Variants in REPS1 observed in about 807,000 individuals in gnomAD.
The protein encoded by REPS1 is ralBP1-associated Eps domain-containing protein 1.
Under a neutral mutation model 100.9 loss-of-function variants are expected in REPS1, and 39 were observed. The ratio of observed to expected loss-of-function variants is 0.39; its 90% CI spans 0.30 to 0.50. The LOEUF is 0.50. REPS1 is among the 20% of genes least tolerant of loss of function. The pLI is 0.86. For missense variants in REPS1, 821 were observed against 968.5 expected (o/e 0.85, Z 2.02); for synonymous variants, 324 against 340.3 (o/e 0.95, Z 0.53).
rs185396594 is a variant in REPS1 at position 138,982,146 on chromosome 6, A to T, written c.153+5384T>A. Reference sequence around the variant, plus strand: ...ACTACTCCAGAATAACAAACCTGAGACTTATTAAGTTTATAACTTTCAACA... The same window carrying T: ...ACTACTCCAGAATAACAAACCTGAGTCTTATTAAGTTTATAACTTTCAACA... On this transcript the variant is annotated intron_variant, in intron 1 of 19. Coordinates refer to ENST00000450536, the MANE Select transcript of REPS1 (RefSeq NM_001286611.2). 6.2e-3 allele frequency among the ~76,000 whole-genome samples: 947 copies of T among 152,334 alleles called. 15 individuals carry two copies. Among genetic ancestry groups the T allele is most frequent in the African/African-American group, 0.021 (894 of 41,584 alleles).
At chr6:138,957,899 A>G (rs1169437357) in intron 1 of REPS1, among the ~76,000 whole-genome samples, 1 of 152,222 alleles carries the variant, frequency 6.6e-6, no homozygotes, top group African/African-American at 2.4e-5. Flanking sequence ...AAGTCAAAAC[A>G]TATTAAACAA....
At chr6:138,924,367 A>C (rs927183190) in intron 10 of REPS1, among the ~76,000 whole-genome samples, 1 of 152,210 alleles carries the variant, frequency 6.6e-6, no homozygotes, top group African/African-American at 2.4e-5. Context: ...TGAGCCACAT[A>C]ATTTTAGACA....
chr6:138,923,177 A>G (rs1780892678), intron 10 of REPS1, among the ~76,000 whole-genome samples: 1 of 152,178 alleles, frequency 6.6e-6, no homozygotes, highest in Admixed American at 6.5e-5. Context: ...ATTTATAAGA[A>G]TACCTTTAAG....
intron 19 of REPS1, among the ~76,000 whole-genome samples, chr6:138,907,199 A>G (rs1284234148): frequency 1.3e-5 from 2 of 151,836 alleles, no homozygotes; most frequent in Admixed American, 6.6e-5. Context: ...ACCTGGGTGC[A>G]GTGGCTCACG....
At chr6:138,941,625 A>T (rs1782254627) in intron 7 of REPS1, 136 bp from the exon 8 acceptor site, 5 of 787,928 alleles carry the variant, frequency 6.3e-6, no homozygotes, top group South Asian at 5.4e-5. Context: ...ACACAGAAAG[A>T]TGTGTAATAT....
chr6:138,943,871 G>A lies in REPS1; in HGVS notation c.898C>T (p.Leu300=). 4 of 1,613,286 alleles carry A rather than the reference G, an allele frequency of 2.5e-6. No homozygotes were observed. The highest frequency in any genetic ancestry group is 3.4e-6 in the Non-Finnish European group (4 of 1,179,648). Residue 300 remains leucine, a synonymous_variant, in exon 6 of 20, where the codon CTA becomes TTA. Transcript: ENST00000450536. The stretch of plus-strand genomic sequence containing the variant: ...AACTCACCTGGAATAAATCCGTTTA[G>A]ATCAGGCTGAATGGTTTTAAACTGA... ...VNQFKTIQPD[L]NGFIPGSAAK... is the part of the protein sequence containing the mutation.
chr6:138,945,992 C>T (rs762748526), intron 2 of REPS1, among the ~76,000 whole-genome samples: 30 of 152,248 alleles, frequency 2.0e-4, no homozygotes, highest in Non-Finnish European at 4.1e-4. Context: ...ATTTATTTCA[C>T]CTCGTAACCA....
rs149114610 is a variant in REPS1, at chr6:138,986,726, G to C, written c.153+804C>G. Among the ~76,000 whole-genome samples, 250 of 152,252 alleles carry C rather than the reference G, an allele frequency of 1.6e-3. 1 individual carries two copies. Among genetic ancestry groups the C allele is most frequent in the African/African-American group, 5.9e-3 (244 of 41,534 alleles). On this transcript the variant is annotated intron_variant, in intron 1 of 19. Coordinates refer to ENST00000450536, the MANE Select transcript of REPS1 (RefSeq NM_001286611.2). ...AATCATTAAACAGAGTAGCATTAAT[G>C]CTCACCACATACATTAGATAAGAAC...
At position 138,930,138 on chromosome 6, in the gene REPS1, A is replaced by G. The variant is rs760589976; in HGVS notation, c.1136-40T>C. 69 of 1,565,496 alleles carry G rather than the reference A, an allele frequency of 4.4e-5. 1 individual carries two copies. Among genetic ancestry groups the G allele is most frequent in the Non-Finnish European group, 6.0e-5 (68 of 1,142,816 alleles). Reference sequence around the variant, plus strand: ...TAGAGAAATTCTCTATAAAGACTACATTGTAGTTTATTTTAGGCATATTTA... The same window carrying G: ...TAGAGAAATTCTCTATAAAGACTACGTTGTAGTTTATTTTAGGCATATTTA... On this transcript the variant is annotated intron_variant, in intron 8 of 19. Transcript: ENST00000450536.
intron 15 of REPS1, among the ~76,000 whole-genome samples, chr6:138,914,387 T>G (rs1780216656): frequency 6.6e-6 from 1 of 152,200 alleles, no homozygotes; most frequent in Non-Finnish European, 1.5e-5. Flanking sequence ...GAAGTGATTT[T>G]GTGAGTCACT....
chr6:138,946,650 G>T (rs1246331203), intron 2 of REPS1, among the ~76,000 whole-genome samples: 1 of 151,904 alleles, frequency 6.6e-6, no homozygotes, highest in Non-Finnish European at 1.5e-5. Flanking sequence ...AAACTAAACT[G>T]GTACTTAAAA....
intron 1 of REPS1, among the ~76,000 whole-genome samples, chr6:138,949,132 T>C (rs1204942768): frequency 6.6e-6 from 1 of 152,188 alleles, no homozygotes; most frequent in Admixed American, 6.5e-5. Context: ...GTTCATTACA[T>C]ATCTTAAATA....
At chr6:138,975,597 G>A (rs967897371) in intron 1 of REPS1, among the ~76,000 whole-genome samples, 3 of 152,090 alleles carry the variant, frequency 2.0e-5, no homozygotes, top group African/African-American at 7.2e-5. Flanking sequence ...TTCAGAAATG[G>A]CCAAGGCGGA....
chr6:138,986,628 A>G (rs76562240), intron 1 of REPS1, among the ~76,000 whole-genome samples: 8,220 of 152,298 alleles, frequency 0.054, 287 homozygotes, highest in Middle Eastern at 0.082. Context: ...ACTAGCTTGG[A>G]TCAATATAAA....
At position 138,937,301 on chromosome 6, in the gene REPS1, A is replaced by G. The variant is rs556646611; in HGVS notation, c.1135+4034T>C. ...ATAAAGTATAAAGATGTCCAACATT[A>G]TAAGAAAAAAACAATGAAGGATGTA... On this transcript the variant is annotated intron_variant, in intron 8 of 19. Transcript: ENST00000450536. Among the ~76,000 whole-genome samples, 26 of 152,352 alleles carry G rather than the reference A, an allele frequency of 1.7e-4. No individual in the cohort carries two copies. The South Asian group carries it at 5.4e-3, about 32-fold the overall frequency.
rs754198084 is a variant in REPS1 at position 138,911,331 on chromosome 6, G to A, written c.2012C>T (p.Ala671Val). Residue 671 changes from alanine (A) to valine (V), a missense_variant, in exon 17 of 20, where the codon GCC becomes GTC. Around this residue, in one of 3 missense-constraint regions of REPS1, gnomAD observed 757 missense variants for 866.4 expected, o/e 0.87. Transcript: ENST00000450536. ...ASDPASSLRV[A>V]KTDSKTEEKT... is the part of the protein sequence containing the mutation. ...TTCTTCAGTTTTACTATCTGTTTTG[G>A]CAACTCGAAGAGAACTTGCAGGATC... is the stretch of plus-strand genomic sequence containing the variant. 2 of 1,613,676 alleles carry A rather than the reference G, an allele frequency of 1.2e-6. No homozygotes were observed. The highest frequency in any genetic ancestry group is 1.7e-6 in the Non-Finnish European group (2 of 1,179,740).
chr6:138,947,402 G>A (rs1435299084), intron 2 of REPS1, among the ~76,000 whole-genome samples: 1 of 152,062 alleles, frequency 6.6e-6, no homozygotes, highest in Non-Finnish European at 1.5e-5. Flanking sequence ...AAAATACAAA[G>A]TATAATGTTG....
Position 138,966,136 on chromosome 6 carries a change from A to G in REPS1, c.154-18223T>C, listed in dbSNP as rs774410451. ...TTACCAACTGTACTATGTTGCCACT[A>G]TTGCTCCTCTAGTGGGAGAAGCAGG... On this transcript the variant is annotated intron_variant, in intron 1 of 19. Transcript: ENST00000450536. Among the ~76,000 whole-genome samples, 97 of 152,236 alleles carry G rather than the reference A, an allele frequency of 6.4e-4. No individual in the cohort carries two copies. In the Middle Eastern group the frequency reaches 0.01, roughly 16 times the overall value.
Position 138,905,132 on chromosome 6 carries a change from C to T in REPS1, c.2323G>A (p.Asp775Asn). The T allele has an allele frequency of 6.2e-7, 1 of 1,606,248 alleles. No homozygotes were observed. The highest frequency in any genetic ancestry group is 8.5e-7 in the Non-Finnish European group (1 of 1,173,216). Reference protein sequence around the residue: ...LNSELQQQLKDVLEERISLEV... With the variant: ...LNSELQQQLKNVLEERISLEV... ...AGGGAAATTCTCTCCTCAAGAACAT[C>T]CTGAAAAAGATGCAAAGGCCAAGTT... The change falls in exon 20 of 20, where the codon GAT becomes AAT. Residue 775 changes from aspartate to asparagine, a missense_variant and splice_region_variant. Asp to Asn is a conservative substitution (Grantham distance 23, BLOSUM62 1). Coordinates refer to ENST00000450536, the MANE Select transcript of REPS1 (RefSeq NM_001286611.2).
Sources: gnomAD v4.1 joint callset for allele counts (sites outside exome capture counted in the v4.1 genomes callset) on GRCh38, gnomAD v4.1.1 for gene constraint, gnomAD v4.1.1 regional missense constraint, MANE v1.5 for transcripts, NCBI Gene and HGNC (gene_info 2026-07-23, HGNC 2026-07-21) for gene names.